SLC10A2: variants seen among roughly 807,000 people sequenced by gnomAD.
SLC10A2 encodes the protein solute carrier family 10 member 2.
Under a neutral mutation model 27.1 loss-of-function variants are expected in SLC10A2, and 34 were observed. That is an observed-to-expected ratio of 1.26 (90% CI 0.96 to 1.67). The LOEUF (loss-of-function observed/expected upper bound fraction) is 1.67, where lower values mean the gene tolerates loss of function less well. Among genes scored for constraint, SLC10A2 ranks in the 40% most tolerant of loss-of-function variants. The probability of loss-of-function intolerance (pLI) is 0.00; values close to 1 mark genes in which losing one functional copy is unlikely to be tolerated. For missense variants in SLC10A2, 530 were observed against 444.4 expected (o/e 1.19, Z -1.73); for synonymous variants, 205 against 174.0 (o/e 1.18, Z -1.40).
intron 2 of SLC10A2, among the ~76,000 whole-genome samples, chr13:103,057,361 C>A (rs940153917): frequency 9.9e-5 from 15 of 152,232 alleles, no homozygotes; most frequent in African/African-American, 3.1e-4. Context: ...TAATTTGTTT[C>A]CCCAGAAACA....
intron 1 of SLC10A2, among the ~76,000 whole-genome samples, chr13:103,061,343 T>A (rs192623635): frequency 2.1e-3 from 317 of 152,126 alleles, no homozygotes; most frequent in African/African-American, 5.7e-3. Context: ...TCTTTTTTTT[T>A]ATTTTATTTT....
rs201049489 is a variant in SLC10A2 at position 103,065,954 on chromosome 13, A to C, written c.296T>G (p.Val99Gly). The part of the protein sequence containing the change: ...AFDILPLQAV[V>G]VLIIGCCPGG... ...AGGGCAGCATCCTATAATGAGCACCACTACGGCCTGGAGCGGGAGGATGTC... is the reference window on the plus strand; with the variant it reads ...AGGGCAGCATCCTATAATGAGCACCCCTACGGCCTGGAGCGGGAGGATGTC... The change falls in exon 1 of 6, where the codon GTG becomes GGG. Residue 99 changes from valine (V) to glycine (G), a missense_variant. Coordinates refer to ENST00000245312, the MANE Select transcript of SLC10A2 (RefSeq NM_000452.3). 25 of 1,614,108 alleles carry C rather than the reference A, an allele frequency of 1.5e-5. No individual in the cohort carries two copies. The highest frequency in any genetic ancestry group is 2.1e-5 in the Non-Finnish European group (25 of 1,180,026).
intron 1 of SLC10A2, among the ~76,000 whole-genome samples, chr13:103,064,198 G>A (rs1451519480): frequency 6.6e-6 from 1 of 152,026 alleles, no homozygotes; most frequent in Admixed American, 6.6e-5. Flanking sequence ...TCATTTGCAC[G>A]GATTTAGCTG....
chr13:103,060,622 C>T (rs562673784), intron 1 of SLC10A2, among the ~76,000 whole-genome samples: 2 of 152,172 alleles, frequency 1.3e-5, no homozygotes, highest in African/African-American at 4.8e-5. Flanking sequence ...GTGATCCGCT[C>T]GCCTAGGCCT....
At chr13:103,049,197 A>T (rs1195312529) in intron 5 of SLC10A2, 92 bp downstream of exon 5, 2 of 1,346,078 alleles carry the variant, frequency 1.5e-6, no homozygotes, top group East Asian at 2.3e-5. Context: ...ACAATTCACC[A>T]CCAGGAACGG....
intron 4 of SLC10A2, among the ~76,000 whole-genome samples, chr13:103,050,524 C>G (rs900143004): frequency 6.6e-6 from 1 of 152,202 alleles, no homozygotes; most frequent in Non-Finnish European, 1.5e-5. Flanking sequence ...CTGCTGCCAG[C>G]TGGAGGAACG....
chr13:103,064,220 C>A (rs1425351723), intron 1 of SLC10A2, among the ~76,000 whole-genome samples: 2 of 151,872 alleles, frequency 1.3e-5, no homozygotes, highest in African/African-American at 4.8e-5. Context: ...AGGTTTCTAC[C>A]AAAGCTTCAT....
chr13:103,058,220 A>G, intron 2 of SLC10A2, 44 bp downstream of exon 2: 1 of 1,110,002 alleles, frequency 9.0e-7, no homozygotes, highest in South Asian at 1.2e-5. Flanking sequence ...GTAAGCAGAG[A>G]GTTTGAGGGT....
chr13:103,066,102 C>T lies in SLC10A2; in HGVS notation c.148G>A (p.Gly50Arg), dbSNP rs757897467. Residue 50 changes from glycine to arginine, a missense_variant, in exon 1 of 6, where the codon GGA (glycine) becomes AGA (arginine). Physicochemically the swap from Gly to Arg is moderately radical, Grantham distance 125. Coordinates refer to ENST00000245312, the MANE Select transcript of SLC10A2 (RefSeq NM_000452.3). ...AATTTCTTGATTTCCACGTTGCATC[C>T]CATGGAGAACATCACCAAGGCCAAC... ...ILLALVMFSM[G>R]CNVEIKKFLG... 6.2e-7 allele frequency: 1 copy of T among 1,613,866 alleles called. No homozygotes were observed. The highest frequency in any genetic ancestry group is 2.2e-5 in the East Asian group (1 of 44,894).
Position 103,065,902 on chromosome 13 carries a change from G to A in SLC10A2, c.348C>T (p.Ala116=), listed in dbSNP as rs748789239. Reference sequence around the variant, plus strand: ...GGTCCATGTCGCCATCGACCCAATAGGCCAAGATATTGGAGGCAGTTCCTC... The same window carrying A: ...GGTCCATGTCGCCATCGACCCAATAAGCCAAGATATTGGAGGCAGTTCCTC... The part of the protein sequence containing the change: ...CPGGTASNIL[A]YWVDGDMDLS... The change falls in exon 1 of 6, where the codon GCC becomes GCT. Residue 116 remains alanine, a synonymous_variant. Transcript: ENST00000245312. The A allele has an allele frequency of 5.6e-6, 9 of 1,613,996 alleles. No homozygotes were observed. The highest frequency in any genetic ancestry group is 6.8e-6 in the Non-Finnish European group (8 of 1,180,022).
intron 1 of SLC10A2, among the ~76,000 whole-genome samples, 189 bp from the exon 2 acceptor site, chr13:103,058,571 T>A (rs1284602216): frequency 6.6e-6 from 1 of 152,214 alleles, no homozygotes; most frequent in East Asian, 1.9e-4. Flanking sequence ...TTAAGCCTAG[T>A]ACCCATTAGT....
In SLC10A2 at chr13:103,051,392, G is replaced by C; in HGVS notation, c.626C>G (p.Ala209Gly). The C allele has an allele frequency of 6.2e-7, 1 of 1,613,988 alleles. No homozygotes were observed. The highest frequency in any genetic ancestry group is 8.5e-7 in the Non-Finnish European group (1 of 1,179,964). Residue 209 changes from alanine to glycine, a missense_variant, in exon 4 of 6, where the codon GCT (alanine) becomes GGT (glycine). Coordinates refer to ENST00000245312, the MANE Select transcript of SLC10A2 (RefSeq NM_000452.3). ...IAGAILIVLI[A>G]VVGGILYQSA... Reference sequence around the variant, plus strand: ...TTGGTACAATATTCCTCCAACCACAGCTATGAGCACAATGAGGATGGCGCC... The same window carrying C: ...TTGGTACAATATTCCTCCAACCACACCTATGAGCACAATGAGGATGGCGCC...
rs537820044 is a variant in SLC10A2 at position 103,050,681 on chromosome 13, C to T, written c.761+576G>A. 3.9e-5 allele frequency among the ~76,000 whole-genome samples: 6 copies of T among 152,288 alleles called. No individual in the cohort carries two copies. In the South Asian group the frequency reaches 1.2e-3, roughly 32 times the overall value. ...GCAAAAAAGAGGCAGTCAGTATTTT[C>T]TTTCTGGGGACTTGCATGACTTCAG... is the stretch of plus-strand genomic sequence containing the variant. On this transcript the variant is annotated intron_variant, in intron 4 of 5. Coordinates refer to ENST00000245312, the MANE Select transcript of SLC10A2 (RefSeq NM_000452.3).
Position 103,066,227 on chromosome 13 carries a change from A to G in SLC10A2, c.23T>C (p.Val8Ala). 6.2e-7 allele frequency: 1 copy of G among 1,612,048 alleles called. No homozygotes were observed. The highest frequency in any genetic ancestry group is 1.1e-5 in the South Asian group (1 of 90,966). ...ACCAGAGCAAACTGTTGCATTGTCCACACAGCTGTTCGGATCATTCATTGC... is the reference window on the plus strand; with the variant it reads ...ACCAGAGCAAACTGTTGCATTGTCCGCACAGCTGTTCGGATCATTCATTGC... Reference protein sequence around the residue: MNDPNSCVDNATVCSGAS... With the variant: MNDPNSCADNATVCSGAS... The change falls in exon 1 of 6, where the codon GTG becomes GCG. Residue 8 changes from valine (V) to alanine (A), a missense_variant. By Grantham distance (64) the Val-to-Ala change is moderately conservative. Transcript: ENST00000245312.
chr13:103,053,797 G>C (rs932496086), intron 2 of SLC10A2, among the ~76,000 whole-genome samples: 1 of 152,050 alleles, frequency 6.6e-6, no homozygotes, highest in African/African-American at 2.4e-5. Flanking sequence ...GGTCAGTGAT[G>C]ACTTTTGCCC....
At chr13:103,062,440 C>T (rs1375796524) in intron 1 of SLC10A2, among the ~76,000 whole-genome samples, 1 of 152,178 alleles carries the variant, frequency 6.6e-6, no homozygotes, top group Admixed American at 6.5e-5. Flanking sequence ...AATATACCAA[C>T]TTATTTTGAG....
chr13:103,056,809 G>A (rs2567774), intron 2 of SLC10A2, among the ~76,000 whole-genome samples: 67,268 of 151,466 alleles, frequency 0.44, 15,512 homozygotes, highest in African/African-American at 0.57. Flanking sequence ...TATATCAAAA[G>A]CCCATACTGA....
chr13:103,061,878 T>C (rs531504050), intron 1 of SLC10A2, among the ~76,000 whole-genome samples: 3 of 152,100 alleles, frequency 2.0e-5, no homozygotes, highest in Non-Finnish European at 4.4e-5. Context: ...AAGCCTAAAT[T>C]AGCAAAAGAA....
intron 1 of SLC10A2, among the ~76,000 whole-genome samples, chr13:103,059,800 G>A (rs546694810): frequency 4.6e-5 from 7 of 152,314 alleles, no homozygotes; most frequent in East Asian, 3.9e-4. Flanking sequence ...ATGCATGTCC[G>A]AGGGAGGAGG....
Sources: gnomAD v4.1 joint callset for allele counts (sites outside exome capture counted in the v4.1 genomes callset) on GRCh38, gnomAD v4.1.1 for gene constraint, MANE v1.5 for transcripts, NCBI Gene and HGNC (gene_info 2026-07-23, HGNC 2026-07-21) for gene names.